PEX6: variants seen among roughly 807,000 people sequenced by gnomAD.
The protein encoded by PEX6 is peroxisomal biogenesis factor 6, also known as peroxisome biogenesis factor 6.
A neutral mutation model predicts 85.6 loss-of-function variants in PEX6; 55 were observed. The ratio of observed to expected loss-of-function variants is 0.64; its 90% CI spans 0.52 to 0.80. The LOEUF (loss-of-function observed/expected upper bound fraction) is 0.80, where lower values mean the gene tolerates loss of function less well. PEX6 is among the 30% of genes least tolerant of loss of function. The pLI is 0.00. For missense variants in PEX6, 1,099 were observed against 1,260.3 expected, an observed-to-expected ratio of 0.87 and a Z score of 1.94; for synonymous variants, 519 against 549.1, an observed-to-expected ratio of 0.95 and a Z score of 0.77.
At chr6:42,969,042 CA>C (rs932362103) in intron 5 of PEX6, 57 bp from the exon 6 acceptor site, 29 of 1,145,704 alleles carry the variant, frequency 2.5e-5, no homozygotes, top group Non-Finnish European at 3.6e-5. Context: ...TTAGAGTCCC[CA>C]GTAACACAAG....
At chr6:42,968,551 C>A in intron 6 of PEX6, 53 bp from the exon 7 acceptor site, 1 of 1,438,020 alleles carries the variant, frequency 7.0e-7, no homozygotes, top group South Asian at 1.2e-5. Flanking sequence ...ATGACAAGGG[C>A]AGGAGAATCA....
intron 2 of PEX6, among the ~76,000 whole-genome samples, 173 bp from the exon 3 acceptor site, chr6:42,974,259 T>C (rs1770176901): frequency 6.6e-6 from 1 of 151,914 alleles, no homozygotes; most frequent in Non-Finnish European, 1.5e-5. Context: ...GGGGAAATGG[T>C]GGAGAGACTA....
Position 42,978,932 on chromosome 6 carries a change from C to T in PEX6, c.219G>A (p.Gln73=), listed in dbSNP as rs191944205. 26 of 1,489,202 alleles carry T rather than the reference C, an allele frequency of 1.7e-5. No individual in the cohort carries two copies. The African/African-American group carries it at 3.5e-4, about 20-fold the overall frequency. 92.2% of individuals were successfully genotyped at this position (1,489,202 alleles called of 1,614,324 possible). ...GCAGCAGCGCGCGGCTAACCAGTAG[C>T]TGCGGCGGCCCGGGACCCTGCTCTT... is the stretch of plus-strand genomic sequence containing the variant. The part of the protein sequence containing the change: ...GTEEQGPGPP[Q]LLVSRALLRL... Residue 73 remains glutamine (Q), a synonymous_variant, in exon 1 of 17, where the codon CAG becomes CAA. Coordinates refer to ENST00000304611, the MANE Select transcript of PEX6 (RefSeq NM_000287.4).
intron 1 of PEX6, among the ~76,000 whole-genome samples, chr6:42,976,964 TA>T (rs1770323036): frequency 6.6e-6 from 1 of 152,164 alleles, no homozygotes; most frequent in South Asian, 2.1e-4. Flanking sequence ...ATAAATGCCA[TA>T]AAAAAGATAG....
Position 42,974,889 on chromosome 6 carries a change from G to C in PEX6, c.1032C>G (p.His344Gln). The C allele has an allele frequency of 6.2e-7, 1 of 1,614,076 alleles. No individual in the cohort carries two copies. The highest frequency in any genetic ancestry group is 1.1e-5 in the South Asian group (1 of 91,080). Residue 344 changes from histidine to glutamine, a missense_variant, in exon 2 of 17, where the codon CAC (histidine) becomes CAG (glutamine). Around this residue, in one of 3 missense-constraint regions of PEX6, gnomAD observed 579 missense variants for 611.6 expected, o/e 0.95. Transcript: ENST00000304611. The stretch of plus-strand genomic sequence containing the variant: ...AGGTAGCTAACCTGGGTATCTGAAA[G>C]TGCCGGTAAAGAACACCGTCATAAT... ...NGNYDGVLYR[H>Q]FQIPRVVQEG...
chr6:42,964,156 T>C lies in PEX6; in HGVS notation c.*179A>G. ...AGGAGGGGCAAGTAGGCAGGAGATA[T>C]CTCTTGAGCTGTTGCTGCTGTCTCA... On this transcript the variant is annotated 3_prime_UTR_variant, in exon 17 of 17. Coordinates refer to ENST00000304611, the MANE Select transcript of PEX6 (RefSeq NM_000287.4). The surrounding 1 kb of genome is among the most constrained non-coding windows in gnomAD (Gnocchi z 4.6). 1 of 649,864 alleles carries C rather than the reference T, an allele frequency of 1.5e-6. No homozygotes were observed. Among genetic ancestry groups the C allele is most frequent in the South Asian group, 1.9e-5 (1 of 53,502 alleles). 40.3% of individuals were successfully genotyped at this position (649,864 alleles called of 1,614,324 possible). A position where few individuals can be genotyped will look rare whatever the true frequency, so the allele number is the denominator to read the frequency against.
chr6:42,973,717 G>A (rs914957158), intron 3 of PEX6, among the ~76,000 whole-genome samples: 7 of 152,144 alleles, frequency 4.6e-5, no homozygotes, highest in South Asian at 2.1e-4. Context: ...ATAGCTGGGC[G>A]TGGTGATGCG....
Position 42,966,122 on chromosome 6 carries a change from G to A in PEX6, c.2301-17C>T, listed in dbSNP as rs2114239351. On this transcript the variant is annotated splice_polypyrimidine_tract_variant and intron_variant, in intron 11 of 16. Coordinates refer to ENST00000304611, the MANE Select transcript of PEX6 (RefSeq NM_000287.4). ...CCCTTCACGCTGAGTGAGAGGATGT[G>A]AGAAGGTGAGAGCCGTCAGATGCAC... is the stretch of plus-strand genomic sequence containing the variant. 1 of 1,614,000 alleles carries A rather than the reference G, an allele frequency of 6.2e-7. No homozygotes were observed. The highest frequency in any genetic ancestry group is 2.2e-5 in the East Asian group (1 of 44,878).
At chr6:42,973,777 T>C (rs1770152932) in intron 3 of PEX6, among the ~76,000 whole-genome samples, 1 of 152,034 alleles carries the variant, frequency 6.6e-6, no homozygotes. Flanking sequence ...GGTGGGAGGA[T>C]CACTTGAGCC....
chr6:42,969,559 C>A (rs1769983871), intron 5 of PEX6, 109 bp downstream of exon 5: 1 of 1,411,570 alleles, frequency 7.1e-7, no homozygotes, highest in African/African-American at 1.4e-5. Flanking sequence ...GGAAGGTCCT[C>A]CCAATCCCAC....
chr6:42,978,253 C>T lies in PEX6; in HGVS notation c.882+16G>A, dbSNP rs1414691020. 2 of 1,612,916 alleles carry T rather than the reference C, an allele frequency of 1.2e-6. No individual in the cohort carries two copies. The highest frequency in any genetic ancestry group is 1.7e-6 in the Non-Finnish European group (2 of 1,179,866). The stretch of plus-strand genomic sequence containing the variant: ...AAGAAAGAGGAAGCACTCCTGACCC[C>T]AGTCCTTTATCCTACCTGAATTCTG... On this transcript the variant is annotated intron_variant, in intron 1 of 16. Transcript: ENST00000304611.
At position 42,968,957 on chromosome 6, in the gene PEX6, C is replaced by T. The variant is rs760806697; in HGVS notation, c.1396G>A (p.Val466Ile). 6.2e-7 allele frequency: 1 copy of T among 1,613,814 alleles called. No homozygotes were observed. Among genetic ancestry groups the T allele is most frequent in the South Asian group, 1.1e-5 (1 of 91,078 alleles). ...CAGCCTGGGGGGCCCCGTAGAAGGA[C>T]ACTGCTAGTTCCTGTCAGCAGGGCA... ...GGALLTGTSS[V>I]LLRGPPGCGK... Residue 466 changes from valine to isoleucine, a missense_variant, in exon 6 of 17, where the codon GTC becomes ATC. By Grantham distance (29) the Val-to-Ile change is conservative (BLOSUM62 3). This residue lies in a region of PEX6 where 579 missense variants were observed against 611.6 expected (regional missense o/e 0.95). Coordinates refer to ENST00000304611, the MANE Select transcript of PEX6 (RefSeq NM_000287.4).
chr6:42,974,464 T>TTG (rs1561827465), intron 2 of PEX6, among the ~76,000 whole-genome samples: 8 of 137,758 alleles, frequency 5.8e-5, no homozygotes, highest in Admixed American at 2.8e-4. Flanking sequence ...TTTTTTTTTT[T>TTG]TTTTTTTTTT....
chr6:42,975,476 C>T (rs1770250678), intron 1 of PEX6, among the ~76,000 whole-genome samples: 1 of 152,108 alleles, frequency 6.6e-6, no homozygotes, highest in African/African-American at 2.4e-5. Context: ...TCTTGAGTAC[C>T]CCAGTAGTTT....
In PEX6 at chr6:42,974,929, T is replaced by C; in HGVS notation, c.992A>G (p.Tyr331Cys). 1.9e-6 allele frequency: 3 copies of C among 1,613,958 alleles called. No homozygotes were observed. Among genetic ancestry groups the C allele is most frequent in the Non-Finnish European group, 1.7e-6 (2 of 1,179,872 alleles). The change falls in exon 2 of 17, where the codon TAC (tyrosine) becomes TGC (cysteine). Residue 331 changes from tyrosine to cysteine, a missense_variant. This residue lies in a region of PEX6 where 579 missense variants were observed against 611.6 expected (regional missense o/e 0.95). Transcript: ENST00000304611. ...LHIEIVSSPH[Y>C]STNGNYDGVL... ...ACCGTCATAATTTCCATTAGTGCTG[T>C]AGTGGGGAGAAGACACAATTTCGAT...
intron 3 of PEX6, among the ~76,000 whole-genome samples, chr6:42,973,252 T>A (rs1267060902): frequency 1.3e-5 from 2 of 152,016 alleles, no homozygotes; most frequent in African/African-American, 4.8e-5. Context: ...CCTCAAGTGA[T>A]CTGCCTGCCT....
intron 1 of PEX6, among the ~76,000 whole-genome samples, chr6:42,975,586 C>G (rs1386696751): frequency 3.3e-5 from 5 of 152,164 alleles, no homozygotes; most frequent in Non-Finnish European, 7.3e-5. Context: ...TACTCTAGTA[C>G]TGCCCAGTAG....
rs1770222175 is a variant in PEX6 at position 42,974,879 on chromosome 6, G to C, written c.1042C>G (p.Pro348Ala). The change falls in exon 2 of 17, where the codon CCC (proline) becomes GCC (alanine). Residue 348 changes from proline to alanine, a missense_variant. Pro to Ala is a conservative substitution (Grantham distance 27). This residue lies in a region of PEX6 where 579 missense variants were observed against 611.6 expected (regional missense o/e 0.95). Transcript: ENST00000304611. ...DGVLYRHFQI[P>A]RVVQEGDVLC... The stretch of plus-strand genomic sequence containing the variant: ...TTAAAAGGTTAGGTAGCTAACCTGG[G>C]TATCTGAAAGTGCCGGTAAAGAACA... 6.2e-7 allele frequency: 1 copy of C among 1,613,796 alleles called. No individual in the cohort carries two copies. The highest frequency in any genetic ancestry group is 2.2e-5 in the East Asian group (1 of 44,874).
intron 1 of PEX6, among the ~76,000 whole-genome samples, chr6:42,977,253 T>A (rs942945135): frequency 2.7e-5 from 4 of 146,926 alleles, no homozygotes; most frequent in Middle Eastern, 7.0e-3. Context: ...AAACCTCACT[T>A]TTTTTTTTTT....
Sources: gnomAD v4.1 joint callset for allele counts (sites outside exome capture counted in the v4.1 genomes callset) on GRCh38, gnomAD v4.1.1 for gene constraint, gnomAD v4.1.1 regional missense constraint, Gnocchi (gnomAD v3.1) non-coding constraint, MANE v1.5 for transcripts, NCBI Gene and HGNC (gene_info 2026-07-23, HGNC 2026-07-21) for gene names.